Variants in PLPP4 observed in about 807,000 individuals in gnomAD.
PLPP4 encodes diacylglycerol pyrophosphate like 2.
A neutral mutation model predicts 32.2 loss-of-function variants in PLPP4; 20 were observed. The ratio of observed to expected loss-of-function variants is 0.62; its 90% CI spans 0.44 to 0.90. The LOEUF (loss-of-function observed/expected upper bound fraction) is 0.90. Ranked by LOEUF, PLPP4 falls within the 40% of genes least tolerant of loss-of-function variation. PLPP4 has a pLI of 0.00. For missense variants in PLPP4, 257 were observed against 353.1 expected, an observed-to-expected ratio of 0.73 and a Z score of 2.18; for synonymous variants, 127 against 133.0, an observed-to-expected ratio of 0.95 and a Z score of 0.31.
chr10:120,543,342 G>A lies in PLPP4; in HGVS notation c.445+22247G>A, dbSNP rs572090854. ...GAGCCCAGGCACCTTGCAGCTGCCT[G>A]TCTCAGGGTTCCCTGCTGTTATGGT... On this transcript the variant is annotated intron_variant, in intron 5 of 6. Transcript: ENST00000398250. Among the ~76,000 whole-genome samples the A allele has an allele frequency of 3.3e-5, 5 of 152,342 alleles. No homozygotes were observed. The South Asian group carries it at 1.0e-3, about 32-fold the overall frequency.
intron 1 of PLPP4, among the ~76,000 whole-genome samples, chr10:120,488,086 G>T (rs1435205058): frequency 6.6e-6 from 1 of 152,194 alleles, no homozygotes; most frequent in Admixed American, 6.5e-5. Flanking sequence ...AGATGGCCTT[G>T]TGGGGTGACA....
chr10:120,575,520 A>T (rs1009993072), intron 6 of PLPP4, among the ~76,000 whole-genome samples: 1 of 152,118 alleles, frequency 6.6e-6, no homozygotes, highest in Non-Finnish European at 1.5e-5. Flanking sequence ...TTCCTCCTTC[A>T]TGCTCCAGGA....
intron 1 of PLPP4, among the ~76,000 whole-genome samples, chr10:120,465,078 A>G (rs1848250837): frequency 6.6e-6 from 1 of 152,260 alleles, no homozygotes; most frequent in Non-Finnish European, 1.5e-5. Context: ...GTTGTAAAGA[A>G]TATGCCTTTT....
At chr10:120,493,179 T>C (rs1168828816) in intron 1 of PLPP4, among the ~76,000 whole-genome samples, 2 of 152,228 alleles carry the variant, frequency 1.3e-5, no homozygotes, top group African/African-American at 2.4e-5. Context: ...AGAGCACATA[T>C]GTTTCATTTT....
intron 5 of PLPP4, among the ~76,000 whole-genome samples, chr10:120,543,238 C>A (rs1416851347): frequency 1.3e-5 from 2 of 152,182 alleles, no homozygotes; most frequent in Non-Finnish European, 2.9e-5. Context: ...GCACAGGCAC[C>A]TTTTCAGTCC....
intron 5 of PLPP4, among the ~76,000 whole-genome samples, chr10:120,563,284 T>C (rs891872238): frequency 5.9e-5 from 9 of 152,244 alleles, no homozygotes; most frequent in African/African-American, 1.9e-4. Context: ...GATGTAAAGA[T>C]ACATTTCAGT....
chr10:120,561,842 C>T (rs1848450445), intron 5 of PLPP4, among the ~76,000 whole-genome samples: 2 of 152,178 alleles, frequency 1.3e-5, no homozygotes, highest in African/African-American at 4.8e-5. Flanking sequence ...CAGAGCTACT[C>T]CCATGACCAC....
At chr10:120,528,162 C>T (rs185424370) in intron 5 of PLPP4, among the ~76,000 whole-genome samples, 275 of 150,958 alleles carry the variant, frequency 1.8e-3, no homozygotes, top group Non-Finnish European at 3.4e-3. Context: ...GCAAGCTCCG[C>T]CTGCCGGGTT....
chr10:120,549,650 A>G (rs574985211), intron 5 of PLPP4, among the ~76,000 whole-genome samples: 7 of 152,060 alleles, frequency 4.6e-5, no homozygotes, highest in Non-Finnish European at 1.0e-4. Flanking sequence ...CCAACAATAC[A>G]TAAAAAAGAA....
At chr10:120,575,352 C>G (rs1160357200) in intron 6 of PLPP4, 51 bp downstream of exon 6, 2 of 1,570,614 alleles carry the variant, frequency 1.3e-6, no homozygotes, top group Admixed American at 1.7e-5. Flanking sequence ...TGCCCCTCTC[C>G]TCCAGGGATG....
In PLPP4 at chr10:120,476,137, A is replaced by G. The variant is rs115869699; in HGVS notation, c.56+18776A>G. Among the ~76,000 whole-genome samples the G allele has an allele frequency of 3.5e-3, 536 of 152,286 alleles. 7 individuals carry two copies. The highest frequency in any genetic ancestry group is 0.012 in the African/African-American group (505 of 41,566). Reference sequence around the variant, plus strand: ...TGGAGCTGGGACTTGGGTGGGAAGAATGGTGGCTCTCAGAGCTAAGAGCAA... The same window carrying G: ...TGGAGCTGGGACTTGGGTGGGAAGAGTGGTGGCTCTCAGAGCTAAGAGCAA... On this transcript the variant is annotated intron_variant, in intron 1 of 6. Transcript: ENST00000398250.
At position 120,538,873 on chromosome 10, in the gene PLPP4, A is replaced by G. The variant is rs376945127; in HGVS notation, c.445+17778A>G. Among the ~76,000 whole-genome samples the G allele has an allele frequency of 1.1e-4, 17 of 152,306 alleles. No individual in the cohort carries two copies. The East Asian group carries it at 3.1e-3, about 28-fold the overall frequency. The stretch of plus-strand genomic sequence containing the variant: ...CAGTTGAGGAAACTGAGAGAGGGCA[A>G]TAGTTTGTCTCAATCTCAACAGCCA... On this transcript the variant is annotated intron_variant, in intron 5 of 6. Coordinates refer to ENST00000398250, the MANE Select transcript of PLPP4 (RefSeq NM_001030059.3).
At chr10:120,548,412 T>C (rs1847735408) in intron 5 of PLPP4, among the ~76,000 whole-genome samples, 1 of 152,212 alleles carries the variant, frequency 6.6e-6, no homozygotes, top group African/African-American at 2.4e-5. Context: ...CATGATCTCA[T>C]TCTTTTTCAT....
At chr10:120,525,062 C>T (rs947193159) in intron 5 of PLPP4, among the ~76,000 whole-genome samples, 8 of 152,168 alleles carry the variant, frequency 5.3e-5, no homozygotes, top group Admixed American at 5.2e-4. Context: ...AGCATGTGGA[C>T]CAAGTCCAGT....
chr10:120,465,907 G>C (rs937742978), intron 1 of PLPP4, among the ~76,000 whole-genome samples: 1 of 152,004 alleles, frequency 6.6e-6, no homozygotes, highest in Admixed American at 6.5e-5. Flanking sequence ...CAGTTTGTTC[G>C]TTCTCGTGTG....
intron 2 of PLPP4, among the ~76,000 whole-genome samples, chr10:120,513,523 A>G (rs979666208): frequency 6.6e-6 from 1 of 152,216 alleles, no homozygotes; most frequent in East Asian, 1.9e-4. Context: ...TGAGTCTCAA[A>G]TGCACTCGTG....
chr10:120,560,531 C>G (rs1848383997), intron 5 of PLPP4, among the ~76,000 whole-genome samples: 2 of 152,046 alleles, frequency 1.3e-5, no homozygotes, highest in Non-Finnish European at 1.5e-5. Flanking sequence ...GAGGCAGGCA[C>G]ATCACCTAAA....
At chr10:120,495,774 G>C (rs571385663) in intron 1 of PLPP4, among the ~76,000 whole-genome samples, 1 of 152,020 alleles carries the variant, frequency 6.6e-6, no homozygotes, top group Non-Finnish European at 1.5e-5. Flanking sequence ...CACTACCCTC[G>C]GGTGGGGCTT....
intron 1 of PLPP4, among the ~76,000 whole-genome samples, chr10:120,492,214 C>T (rs1488940721): frequency 6.6e-6 from 1 of 152,120 alleles, no homozygotes; most frequent in Non-Finnish European, 1.5e-5. Flanking sequence ...TTACGTAGAC[C>T]AGGATTTTCT....
Sources: allele counts gnomAD v4.1 joint callset (sites outside exome capture counted in the v4.1 genomes callset), GRCh38; gene constraint gnomAD v4.1.1; transcripts MANE v1.5; gene names NCBI Gene and HGNC (gene_info 2026-07-23, HGNC 2026-07-21).